The following CSE1L variants were observed in gnomAD, a reference collection of about 807,000 sequenced individuals.
The protein encoded by CSE1L is chromosome segregation 1 like.
A neutral mutation model predicts 120.4 loss-of-function variants in CSE1L; 24 were observed. The ratio of observed to expected loss-of-function variants is 0.20; its 90% CI spans 0.14 to 0.28. The LOEUF (loss-of-function observed/expected upper bound fraction) is 0.28. Among genes scored for constraint, CSE1L ranks in the 10% least tolerant of loss-of-function variants. CSE1L has a pLI of 1.00. For synonymous variants in CSE1L, 402 were observed against 398.3 expected (o/e 1.01, Z -0.11); for missense variants, 830 against 1,145.2 (o/e 0.72, Z 3.97).
In CSE1L at chr20:49,090,851, T is replaced by C. The variant is rs775146058; in HGVS notation, c.2279+12T>C. The C allele has an allele frequency of 1.9e-6, 3 of 1,608,082 alleles. No individual in the cohort carries two copies. Among genetic ancestry groups the C allele is most frequent in the African/African-American group, 1.3e-5 (1 of 74,566 alleles). On this transcript the variant is annotated intron_variant, in intron 20 of 24. Transcript: ENST00000262982. Reference sequence around the variant, plus strand: ...GAGCACATGCCTCCGTGAGTATGACTAGAACTTTGTGCATTTATTTAGAAA... The same window carrying C: ...GAGCACATGCCTCCGTGAGTATGACCAGAACTTTGTGCATTTATTTAGAAA...
chr20:49,076,501 T>C (rs1295226509), intron 12 of CSE1L, among the ~76,000 whole-genome samples: 16 of 151,104 alleles, frequency 1.1e-4, no homozygotes, highest in Non-Finnish European at 7.4e-5. Flanking sequence ...AGTTCATGTT[T>C]TGAAGTGTCC....
chr20:49,062,802 G>C (rs1240211313), intron 2 of CSE1L, among the ~76,000 whole-genome samples: 1 of 151,782 alleles, frequency 6.6e-6, no homozygotes, highest in Non-Finnish European at 1.5e-5. Flanking sequence ...TGACTCATTT[G>C]CTCTTCATCA....
chr20:49,064,404 C>T (rs911567271), intron 3 of CSE1L, among the ~76,000 whole-genome samples: 1 of 152,136 alleles, frequency 6.6e-6, no homozygotes, highest in African/African-American at 2.4e-5. Context: ...CAAGTATCAC[C>T]ATGAGTGGTA....
chr20:49,058,577 T>C, intron 2 of CSE1L, 29 bp downstream of exon 2: 3 of 1,570,128 alleles, frequency 1.9e-6, no homozygotes, highest in Non-Finnish European at 1.8e-6. Flanking sequence ...TTTTGGTTGA[T>C]TAATTCCTTC....
Position 49,063,524 on chromosome 20 carries a change from C to G in CSE1L, c.228+180C>G, listed in dbSNP as rs551647183. Among the ~76,000 whole-genome samples, 59 of 152,278 alleles carry G rather than the reference C, an allele frequency of 3.9e-4. 1 individual carries two copies. The South Asian group carries it at 0.011, about 29-fold the overall frequency. On this transcript the variant is annotated intron_variant, in intron 3 of 24. Coordinates refer to ENST00000262982, the MANE Select transcript of CSE1L (RefSeq NM_001316.4). ...TGAGCTATGATTGCACCACTGTACT[C>G]TAGCCTTTTAGTGACAGAATGAGAC...
chr20:49,046,890 G>C (rs2091716917), intron 1 of CSE1L, among the ~76,000 whole-genome samples: 1 of 152,250 alleles, frequency 6.6e-6, no homozygotes, highest in South Asian at 2.1e-4. Context: ...GCGGGCGCGT[G>C]GAGCTGCGGC....
Position 49,094,284 on chromosome 20 carries a change from G to C in CSE1L, c.2592G>C (p.Leu864=), listed in dbSNP as rs1359282422. 1.2e-6 allele frequency: 2 copies of C among 1,604,654 alleles called. No homozygotes were observed. Among genetic ancestry groups the C allele is most frequent in the Non-Finnish European group, 1.7e-6 (2 of 1,177,760 alleles). The change falls in exon 23 of 25, where the codon CTG becomes CTC. Residue 864 remains leucine (L), a splice_region_variant and synonymous_variant. Transcript: ENST00000262982. Reference sequence around the variant, plus strand: ...TGATGGACACTGAGTATACCAAACTGTGGTAAGTACTTCATTTTAATATTT... The same window carrying C: ...TGATGGACACTGAGTATACCAAACTCTGGTAAGTACTTCATTTTAATATTT... ...PPMMDTEYTK[L]WTPLLQSLIG...
chr20:49,092,925 T>C (rs1231133828), intron 22 of CSE1L, among the ~76,000 whole-genome samples: 3 of 152,336 alleles, frequency 2.0e-5, no homozygotes, highest in African/African-American at 7.2e-5. Context: ...GCAGAATTTT[T>C]CAAATGAGAA....
chr20:49,050,155 T>G (rs1378641037), intron 1 of CSE1L, among the ~76,000 whole-genome samples: 1 of 152,066 alleles, frequency 6.6e-6, no homozygotes, highest in Non-Finnish European at 1.5e-5. Flanking sequence ...GCATCTCAAC[T>G]TAATCATTTT....
At position 49,094,244 on chromosome 20, in the gene CSE1L, C is replaced by T; in HGVS notation, c.2552C>T (p.Thr851Ile). 1 of 1,612,958 alleles carries T rather than the reference C, an allele frequency of 6.2e-7. No homozygotes were observed. The highest frequency in any genetic ancestry group is 8.5e-7 in the Non-Finnish European group (1 of 1,179,462). Residue 851 changes from threonine to isoleucine, a missense_variant, in exon 23 of 25, where the codon ACA becomes ATA. This residue lies in a region of CSE1L where 112 missense variants were observed against 200.0 expected (regional missense o/e 0.56). Coordinates refer to ENST00000262982, the MANE Select transcript of CSE1L (RefSeq NM_001316.4). ...ICAVGITKLL[T>I]ECPPMMDTEY... Reference sequence around the variant, plus strand: ...GCGGTTGGCATAACCAAATTACTAACAGAATGTCCCCCAATGATGGACACT... The same window carrying T: ...GCGGTTGGCATAACCAAATTACTAATAGAATGTCCCCCAATGATGGACACT...
chr20:49,084,268 C>A, intron 15 of CSE1L, 106 bp downstream of exon 15: 1 of 1,168,256 alleles, frequency 8.6e-7, no homozygotes, highest in South Asian at 1.8e-5. Flanking sequence ...AAACAAATGT[C>A]TGCTTTCTAT....
At chr20:49,051,417 C>T (rs542700067) in intron 1 of CSE1L, among the ~76,000 whole-genome samples, 53 of 152,346 alleles carry the variant, frequency 3.5e-4, no homozygotes, top group African/African-American at 1.2e-3. Context: ...GTGGCACGCA[C>T]CTGTAGTCCC....
intron 23 of CSE1L, 46 bp downstream of exon 23, chr20:49,094,332 C>CAT (rs771339020): frequency 9.7e-6 from 15 of 1,551,978 alleles, no homozygotes; most frequent in Admixed American, 1.9e-5. Flanking sequence ...GCTTCCTTCC[C>CAT]ATATGACTGC....
At chr20:49,058,808 T>C (rs1251243481) in intron 2 of CSE1L, among the ~76,000 whole-genome samples, 1 of 152,178 alleles carries the variant, frequency 6.6e-6, no homozygotes, top group Non-Finnish European at 1.5e-5. Flanking sequence ...TGCTTTGTCT[T>C]TGACCTTTTC....
At chr20:49,093,778 G>A (rs1184177927) in intron 22 of CSE1L, among the ~76,000 whole-genome samples, 1 of 151,754 alleles carries the variant, frequency 6.6e-6, no homozygotes, top group Non-Finnish European at 1.5e-5. Context: ...TTTGCCGGGC[G>A]TGGTGGTGGG....
At chr20:49,050,385 ATTT>A (rs1243770980) in intron 1 of CSE1L, among the ~76,000 whole-genome samples, 22 of 79,030 alleles carry the variant, frequency 2.8e-4, no homozygotes, top group Non-Finnish European at 4.0e-4. Context: ...AGCCCAGCTA[ATTT>A]TTTTTTTTTT....
rs2091911349 is a variant in CSE1L, at chr20:49,068,704, T to A, written c.568-11T>A. 6.3e-7 allele frequency: 1 copy of A among 1,595,428 alleles called. No individual in the cohort carries two copies. The highest frequency in any genetic ancestry group is 1.1e-5 in the South Asian group (1 of 90,692). On this transcript the variant is annotated splice_polypyrimidine_tract_variant and intron_variant, in intron 6 of 24. Coordinates refer to ENST00000262982, the MANE Select transcript of CSE1L (RefSeq NM_001316.4). ...ATGCACTAAAACCATGTTGCTAAAT[T>A]CCTTTCCAAGGCCACTATTGAACTC...
rs1450509589 is a variant in CSE1L at position 49,091,155 on chromosome 20, G to C, written c.2365+133G>C. On this transcript the variant is annotated intron_variant, in intron 21 of 24. Transcript: ENST00000262982. ...AAAAAATACTTGGCCACGTGTGGAGGTTCATGCCTGTAATCGCAGCACTTT... is the reference window on the plus strand; with the variant it reads ...AAAAAATACTTGGCCACGTGTGGAGCTTCATGCCTGTAATCGCAGCACTTT... 5 of 671,718 alleles carry C rather than the reference G, an allele frequency of 7.4e-6. No homozygotes were observed. In the East Asian group the frequency reaches 1.1e-4, roughly 15 times the overall value. The allele number at this position is 671,718 out of a possible 1,614,324, so 41.6% of individuals were successfully genotyped here. A position where few individuals can be genotyped will look rare whatever the true frequency, so the allele number is the denominator to read the frequency against.
intron 1 of CSE1L, among the ~76,000 whole-genome samples, chr20:49,057,918 C>T (rs374501238): frequency 5.3e-5 from 8 of 152,208 alleles, no homozygotes; most frequent in African/African-American, 1.7e-4. Context: ...AGGCATGAGC[C>T]ACCATGCCCG....
Sources: gnomAD v4.1 joint callset for allele counts (sites outside exome capture counted in the v4.1 genomes callset) on GRCh38, gnomAD v4.1.1 for gene constraint, gnomAD v4.1.1 regional missense constraint, MANE v1.5 for transcripts, NCBI Gene and HGNC (gene_info 2026-07-23, HGNC 2026-07-21) for gene names.